The following DYTN variants were observed in gnomAD, a reference collection of about 807,000 sequenced individuals.
DYTN encodes the protein dystrotelin.
Under a neutral mutation model 69.6 loss-of-function variants are expected in DYTN, and 75 were observed. The ratio of observed to expected loss-of-function variants is 1.08; its 90% CI spans 0.89 to 1.31. The LOEUF (loss-of-function observed/expected upper bound fraction) is 1.31. Among genes scored for constraint, DYTN ranks in the 50% most tolerant of loss-of-function variants. The pLI, the probability that DYTN is intolerant of heterozygous loss-of-function variation, is 0.00. For missense variants in DYTN, 726 were observed against 688.4 expected, an observed-to-expected ratio of 1.05 and a Z score of -0.61; for synonymous variants, 252 against 249.1, an observed-to-expected ratio of 1.01 and a Z score of -0.11.
intron 2 of DYTN, among the ~76,000 whole-genome samples, chr2:206,710,170 G>A (rs1456488553): frequency 6.6e-6 from 1 of 152,118 alleles, no homozygotes; most frequent in Non-Finnish European, 1.5e-5. Context: ...ATCTATAAGT[G>A]CAGTTTTGAA....
intron 9 of DYTN, among the ~76,000 whole-genome samples, chr2:206,671,722 T>C (rs948657568): frequency 6.6e-6 from 1 of 152,232 alleles, no homozygotes; most frequent in Non-Finnish European, 1.5e-5. Context: ...AGTGATTTAA[T>C]GTATATTGTT....
intron 11 of DYTN, among the ~76,000 whole-genome samples, chr2:206,661,192 T>G (rs566269597): frequency 6.6e-6 from 1 of 152,232 alleles, no homozygotes; most frequent in African/African-American, 2.4e-5. Context: ...CACCCTGATC[T>G]TGGACTTCTG....
intron 3 of DYTN, among the ~76,000 whole-genome samples, chr2:206,706,132 G>A (rs566102031): frequency 2.6e-4 from 39 of 152,236 alleles, no homozygotes; most frequent in African/African-American, 8.7e-4. Context: ...CACTGTACCA[G>A]GCATCAGGGA....
At chr2:206,654,753 T>C (rs1374899138) in intron 11 of DYTN, among the ~76,000 whole-genome samples, 1 of 152,208 alleles carries the variant, frequency 6.6e-6, no homozygotes, top group East Asian at 1.9e-4. Flanking sequence ...GGTGCTCTCC[T>C]GAGCTTGGTC....
At chr2:206,704,432 T>C (rs1013243659) in intron 5 of DYTN, among the ~76,000 whole-genome samples, 8 of 152,142 alleles carry the variant, frequency 5.3e-5, no homozygotes, top group African/African-American at 1.9e-4. Context: ...GTATGGGGTG[T>C]AAGGAAAAAT....
chr2:206,676,555 A>G (rs1424087015), intron 9 of DYTN, among the ~76,000 whole-genome samples: 1 of 152,198 alleles, frequency 6.6e-6, no homozygotes, highest in East Asian at 1.9e-4. Context: ...CACGTTCAAC[A>G]CATATATCCC....
At chr2:206,652,382 C>A (rs747466809) in intron 11 of DYTN, among the ~76,000 whole-genome samples, 2 of 152,080 alleles carry the variant, frequency 1.3e-5, no homozygotes, top group Non-Finnish European at 2.9e-5. Context: ...TCTATAGTTA[C>A]CTGATTAATG....
intron 9 of DYTN, among the ~76,000 whole-genome samples, chr2:206,677,173 T>C (rs77051175): frequency 0.14 from 21,177 of 152,082 alleles, 2,465 homozygotes; most frequent in African/African-American, 0.32. Flanking sequence ...GTCTCGAACT[T>C]CTGAGCTCAA....
intron 9 of DYTN, among the ~76,000 whole-genome samples, chr2:206,681,432 G>A (rs1699748820): frequency 6.6e-6 from 1 of 152,144 alleles, no homozygotes; most frequent in Admixed American, 6.5e-5. Context: ...TGATAAGAGA[G>A]GGCATCCTTG....
chr2:206,672,842 A>C (rs1219899636), intron 9 of DYTN, among the ~76,000 whole-genome samples: 1 of 152,246 alleles, frequency 6.6e-6, no homozygotes, highest in Non-Finnish European at 1.5e-5. Flanking sequence ...ACTTAAAAAA[A>C]CATAGCATTT....
chr2:206,712,778 C>T (rs533877521), intron 1 of DYTN, among the ~76,000 whole-genome samples: 1 of 152,340 alleles, frequency 6.6e-6, no homozygotes, highest in South Asian at 2.1e-4. Flanking sequence ...TCCATGGGGG[C>T]ATGTGGCCCA....
At chr2:206,666,860 TAC>T (rs35200393) in intron 9 of DYTN, among the ~76,000 whole-genome samples, 45,511 of 137,054 alleles carry the variant, frequency 0.33, 7,427 homozygotes, top group East Asian at 0.61. Context: ...ACCTCATCTC[TAC>T]ACACACACAC....
At chr2:206,696,364 C>T (rs566718637) in intron 7 of DYTN, among the ~76,000 whole-genome samples, 4 of 152,274 alleles carry the variant, frequency 2.6e-5, no homozygotes, top group South Asian at 2.1e-4. Context: ...TGATCAAAGT[C>T]GTTTAGAGGA....
chr2:206,704,913 C>T lies in DYTN; in HGVS notation c.413G>A (p.Arg138Lys), dbSNP rs1472984639. The change falls in exon 5 of 12, where the codon AGG (arginine) becomes AAG (lysine). Residue 138 changes from arginine to lysine, a missense_variant. Arg to Lys is a conservative substitution (Grantham distance 26, BLOSUM62 2). Coordinates refer to ENST00000452335, the MANE Select transcript of DYTN (RefSeq NM_001093730.1). ...ALFQLYAENS[R>K]GGYDSGPRMT... is the part of the protein sequence containing the mutation. The stretch of plus-strand genomic sequence containing the variant: ...GCGTGGCCCAGAATCATAGCCTCCC[C>T]TGCTATTTTCTGCATAGAGTTGAAA... 1.9e-6 allele frequency: 3 copies of T among 1,613,636 alleles called. No individual in the cohort carries two copies. The highest frequency in any genetic ancestry group is 2.5e-6 in the Non-Finnish European group (3 of 1,179,806).
Position 206,706,495 on chromosome 2 carries a change from T to TA in DYTN, c.297-623dup, listed in dbSNP as rs77632434. Among the ~76,000 whole-genome samples, 1,281 of 144,858 alleles carry TA rather than the reference T, an allele frequency of 8.8e-3. 14 individuals are homozygous for TA. Among genetic ancestry groups the TA allele is most frequent in the African/African-American group, 0.024 (961 of 39,714 alleles). ...TATTGTTTGGGCAGTTAAAAAAAAT[T>TA]AAAAAAAAAAAAAACTAGAAGAGAA... On this transcript the variant is annotated intron_variant, in intron 3 of 11. Transcript: ENST00000452335.
At chr2:206,687,999 CA>C (rs1034978002) in intron 9 of DYTN, among the ~76,000 whole-genome samples, 3 of 152,166 alleles carry the variant, frequency 2.0e-5, no homozygotes, top group African/African-American at 7.2e-5. Flanking sequence ...AACATACCTT[CA>C]AAATTATTTT....
chr2:206,681,311 A>T (rs1474878662), intron 9 of DYTN, among the ~76,000 whole-genome samples: 1 of 152,190 alleles, frequency 6.6e-6, no homozygotes, highest in African/African-American at 2.4e-5. Context: ...GAATCATGTC[A>T]TCTGCAGACA....
At chr2:206,704,476 G>C (rs569217306) in intron 5 of DYTN, among the ~76,000 whole-genome samples, 2 of 152,246 alleles carry the variant, frequency 1.3e-5, no homozygotes, top group East Asian at 3.9e-4. Flanking sequence ...GAGACTATTG[G>C]ATATGTTTTC....
chr2:206,689,190 A>G (rs192801543), intron 9 of DYTN, among the ~76,000 whole-genome samples: 24 of 152,336 alleles, frequency 1.6e-4, no homozygotes, highest in Non-Finnish European at 1.6e-4. Flanking sequence ...TCTCAGTGCA[A>G]ACTATCATGT....
Sources: allele counts gnomAD v4.1 joint callset (sites outside exome capture counted in the v4.1 genomes callset), GRCh38; gene constraint gnomAD v4.1.1; transcripts MANE v1.5; gene names NCBI Gene and HGNC (gene_info 2026-07-23, HGNC 2026-07-21).